PPL: variants seen among roughly 807,000 people sequenced by gnomAD.
The protein encoded by PPL is 190 kDa paraneoplastic pemphigus antigen.
Under a neutral mutation model 194.4 loss-of-function variants are expected in PPL, and 198 were observed. The observed-to-expected ratio is 1.02, with a 90% confidence interval of 0.91 to 1.15. The LOEUF is 1.15. PPL is among the 50% of genes most tolerant of loss of function. The probability of loss-of-function intolerance (pLI) is 0.00; values close to 1 mark genes in which losing one functional copy is unlikely to be tolerated. For missense variants in PPL, 2,885 were observed against 2,294.8 expected, an observed-to-expected ratio of 1.26 and a Z score of -5.25; for synonymous variants, 1,220 against 972.4, an observed-to-expected ratio of 1.25 and a Z score of -4.74.
At chr16:4,894,885 G>C (rs1317811254) in intron 11 of PPL, among the ~76,000 whole-genome samples, 3 of 152,212 alleles carry the variant, frequency 2.0e-5, no homozygotes, top group African/African-American at 7.2e-5. Flanking sequence ...GCTCCAGATG[G>C]ACATGTGACT....
intron 20 of PPL, 21 bp downstream of exon 20, chr16:4,888,081 C>T (rs780930941): frequency 3.3e-5 from 52 of 1,585,456 alleles, no homozygotes; most frequent in African/African-American, 2.2e-4. Flanking sequence ...GTCCCGAGGC[C>T]GCCTGGCCCA....
chr16:4,886,491 C>G (rs776229546), intron 21 of PPL, among the ~76,000 whole-genome samples: 13 of 152,254 alleles, frequency 8.5e-5, no homozygotes, highest in Non-Finnish European at 1.0e-4. Context: ...GCATTGTTTC[C>G]GCTCTCTGGA....
chr16:4,934,461 C>A (rs1263823762), intron 1 of PPL, among the ~76,000 whole-genome samples: 1 of 152,148 alleles, frequency 6.6e-6, no homozygotes, highest in Non-Finnish European at 1.5e-5. Flanking sequence ...CTGCTCCTCC[C>A]AGCAGCCCTA....
Position 4,885,819 on chromosome 16 carries a change from G to C in PPL, c.2836C>G (p.Leu946Val). Residue 946 changes from leucine to valine, a missense_variant, in exon 22 of 22, where the codon CTG (leucine) becomes GTG (valine). Coordinates refer to ENST00000345988, the MANE Select transcript of PPL (RefSeq NM_002705.5). The surrounding 1 kb of genome is among the most constrained non-coding windows in gnomAD (Gnocchi z 6.3). ...EVLKKVPDPV[L>V]EESFQQLQRT... ...TGCAGCTGCTGGAAGCTCTCCTCCA[G>C]CACGGGATCCGGCACCTTCTTGAGC... The C allele has an allele frequency of 6.2e-7, 1 of 1,608,316 alleles. No individual in the cohort carries two copies. Among genetic ancestry groups the C allele is most frequent in the Non-Finnish European group, 8.5e-7 (1 of 1,179,968 alleles).
At chr16:4,925,392 C>T (rs2089137690) in intron 1 of PPL, among the ~76,000 whole-genome samples, 1 of 152,204 alleles carries the variant, frequency 6.6e-6, no homozygotes, top group Non-Finnish European at 1.5e-5. Flanking sequence ...ATAGTAACAA[C>T]ACTGAGGGCA....
intron 19 of PPL, 60 bp from the exon 20 acceptor site, chr16:4,888,278 GTTC>G: frequency 7.9e-7 from 1 of 1,267,176 alleles, no homozygotes; most frequent in Non-Finnish European, 1.2e-6. Context: ...AGACAGACAT[GTTC>G]CTGTACCCCT....
At chr16:4,923,637 G>A (rs2089098041) in intron 1 of PPL, among the ~76,000 whole-genome samples, 2 of 152,190 alleles carry the variant, frequency 1.3e-5, no homozygotes, top group African/African-American at 4.8e-5. Context: ...GCCTGGCCAG[G>A]GCAGGGAACG....
Position 4,884,095 on chromosome 16 carries a change from CTT to C in PPL, c.4558_4559del (p.Lys1520GlufsTer31). 1.2e-6 allele frequency: 2 copies of C among 1,613,284 alleles called. No homozygotes were observed. The highest frequency in any genetic ancestry group is 1.7e-6 in the Non-Finnish European group (2 of 1,179,956). ...GDTEQEIQRLKSSLEEESRSK... is the reference protein window; with the variant it reads ...GDTEQEIQRLXSSLEEESRSK... ...TGCGGCTCTCCTCCTCCAGGCTGCT[CTT>C]GAGCCTCTGGATCTCTTGCTCGGTG... On this transcript the variant is annotated frameshift_variant, in exon 22 of 22. Coordinates refer to ENST00000345988, the MANE Select transcript of PPL (RefSeq NM_002705.5). LOFTEE classifies it high-confidence loss of function. This position sits in a 1 kb window ranked among gnomAD's most constrained non-coding sequence, Gnocchi z 5.7.
At chr16:4,894,372 A>T (rs2088378260) in intron 12 of PPL, 95 bp downstream of exon 12, 2 of 1,505,336 alleles carry the variant, frequency 1.3e-6, no homozygotes, top group Non-Finnish European at 1.8e-6. Flanking sequence ...CGCGCTCCCC[A>T]CAGGCTGAGT....
At chr16:4,924,051 G>A (rs904723514) in intron 1 of PPL, among the ~76,000 whole-genome samples, 9 of 152,238 alleles carry the variant, frequency 5.9e-5, no homozygotes, top group African/African-American at 2.2e-4. Context: ...CAAGCAGAAA[G>A]ACACTCAACA....
At chr16:4,907,316 A>T (rs944028414) in intron 2 of PPL, among the ~76,000 whole-genome samples, 11 of 7,120 alleles carry the variant, frequency 1.5e-3, no homozygotes, top group African/African-American at 2.3e-3. Flanking sequence ...TCTCACACAC[A>T]CACACACACA....
intron 1 of PPL, among the ~76,000 whole-genome samples, chr16:4,936,166 C>A (rs72633279): frequency 0.088 from 13,353 of 152,260 alleles, 955 homozygotes; most frequent in East Asian, 0.31. Context: ...CCCTCCCAGG[C>A]CGCCCTGGGA....
chr16:4,897,871 G>T, intron 8 of PPL, 101 bp from the exon 9 acceptor site: 1 of 867,838 alleles, frequency 1.2e-6, no homozygotes, highest in Non-Finnish European at 1.8e-6. Context: ...GGGGAGGGAG[G>T]CATCTGGCAT....
chr16:4,909,457 T>C (rs1427355868), intron 2 of PPL, among the ~76,000 whole-genome samples: 2 of 141,658 alleles, frequency 1.4e-5, no homozygotes, highest in Non-Finnish European at 3.0e-5. Context: ...GAGACAGTCT[T>C]ACTCTGTTGC....
chr16:4,898,113 C>G (rs562848067), intron 8 of PPL, among the ~76,000 whole-genome samples: 1 of 152,206 alleles, frequency 6.6e-6, no homozygotes, highest in Non-Finnish European at 1.5e-5. Flanking sequence ...CATGGTGGCT[C>G]ACACCTGTAA....
At chr16:4,893,930 ATACT>A (rs1337379597) in intron 12 of PPL, 3 of 456,052 alleles carry the variant, frequency 6.6e-6, no homozygotes, top group East Asian at 3.6e-5. Context: ...TGCTCAATAA[ATACT>A]TAATAAATGA....
At chr16:4,926,593 T>G (rs989553348) in intron 1 of PPL, among the ~76,000 whole-genome samples, 3 of 152,142 alleles carry the variant, frequency 2.0e-5, no homozygotes, top group Non-Finnish European at 4.4e-5. Context: ...TACAAAGATT[T>G]GGCTTGGCGC....
In PPL at chr16:4,883,269, T is replaced by G; in HGVS notation, c.*115A>C. 1 of 1,411,540 alleles carries G rather than the reference T, an allele frequency of 7.1e-7. No individual in the cohort carries two copies. Among genetic ancestry groups the G allele is most frequent in the Non-Finnish European group, 9.7e-7 (1 of 1,030,262 alleles). 87.4% of individuals were successfully genotyped at this position (1,411,540 alleles called of 1,614,324 possible). On this transcript the variant is annotated 3_prime_UTR_variant, in exon 22 of 22. Transcript: ENST00000345988. The surrounding 1 kb of genome is among the most constrained non-coding windows in gnomAD (Gnocchi z 4.8). ...ACTCTGAGCAGCCTGGCAGCGAGGG[T>G]ATGTATAAAATGCTTGGCCTGCACC...
At chr16:4,918,285 T>C (rs2088967875) in intron 1 of PPL, among the ~76,000 whole-genome samples, 1 of 90,690 alleles carries the variant, frequency 1.1e-5, no homozygotes, top group African/African-American at 2.9e-5. Flanking sequence ...AGAGCAAGAC[T>C]CCATTTCAAA....
Sources: gnomAD v4.1 joint callset for allele counts (sites outside exome capture counted in the v4.1 genomes callset) on GRCh38, gnomAD v4.1.1 for gene constraint, Gnocchi (gnomAD v3.1) non-coding constraint, MANE v1.5 for transcripts, NCBI Gene and HGNC (gene_info 2026-07-23, HGNC 2026-07-21) for gene names.